The following CNOT6L variants were observed in gnomAD, a reference collection of about 807,000 sequenced individuals.
CNOT6L encodes CCR4-NOT transcription complex subunit 6-like.
Under a neutral mutation model 64.0 loss-of-function variants are expected in CNOT6L, and 7 were observed. The ratio of observed to expected loss-of-function variants is 0.11; its 90% CI spans 0.06 to 0.21. The LOEUF is 0.21. Among genes scored for constraint, CNOT6L ranks in the 10% least tolerant of loss-of-function variants. CNOT6L has a pLI of 1.00. For synonymous variants in CNOT6L, 193 were observed against 243.4 expected (o/e 0.79, Z 1.93); for missense variants, 245 against 669.0 (o/e 0.37, Z 6.99).
intron 1 of CNOT6L, among the ~76,000 whole-genome samples, chr4:77,796,951 G>T (rs1322386726): frequency 6.6e-6 from 1 of 151,672 alleles, no homozygotes; most frequent in Non-Finnish European, 1.5e-5. Flanking sequence ...TGGGCATGGT[G>T]GTGTCCCTGT....
intron 4 of CNOT6L, 122 bp downstream of exon 4, chr4:77,772,959 T>C: frequency 3.1e-6 from 2 of 646,574 alleles, no homozygotes; most frequent in Non-Finnish European, 5.4e-6. Flanking sequence ...AAACTACTTT[T>C]CTTTCAAGAG....
chr4:77,752,904 A>G (rs1725004882), intron 5 of CNOT6L, among the ~76,000 whole-genome samples: 1 of 151,910 alleles, frequency 6.6e-6, no homozygotes, highest in Admixed American at 6.5e-5. Flanking sequence ...ATGAAGCTAA[A>G]AGTTGGTTCT....
At chr4:77,776,132 G>A in intron 2 of CNOT6L, 139 bp downstream of exon 2, 1 of 794,286 alleles carries the variant, frequency 1.3e-6, no homozygotes, top group Non-Finnish European at 2.0e-6. Context: ...ACATAAAACA[G>A]AAAACACTAG....
chr4:77,794,007 C>T (rs112900288), intron 1 of CNOT6L, among the ~76,000 whole-genome samples: 1 of 151,566 alleles, frequency 6.6e-6, no homozygotes, highest in African/African-American at 2.4e-5. Flanking sequence ...AAAAAATTAG[C>T]CGGGCATGGT....
In CNOT6L at chr4:77,776,409, AG is replaced by A; in HGVS notation, c.6-18del. ...CCTATTAGTCTGTTTAAAAAAAAAA[AG>A]GAGGAGATCAATAATTATTATAGTC... On this transcript the variant is annotated intron_variant, in intron 1 of 11. Transcript: ENST00000504123. 1.6e-5 allele frequency: 24 copies of A among 1,530,622 alleles called. No individual in the cohort carries two copies. Among genetic ancestry groups the A allele is most frequent in the Non-Finnish European group, 1.9e-5 (21 of 1,129,856 alleles). The allele number at this position is 1,530,622 out of a possible 1,614,324, so 94.8% of individuals were successfully genotyped here.
At chr4:77,721,998 AAG>A (rs1454315297) in intron 11 of CNOT6L, among the ~76,000 whole-genome samples, 9 of 151,366 alleles carry the variant, frequency 5.9e-5, no homozygotes, top group African/African-American at 2.0e-4. Context: ...GAAAAAAAAA[AAG>A]AAGCCCTTAT....
At position 77,812,417 on chromosome 4, in the gene CNOT6L, G is replaced by A. The variant is rs141796711; in HGVS notation, c.5+6887C>T. ...AGTGCCATTGCACTCCAGCCTGGGC[G>A]ACAGAGTGAGACTCCATCTCAAAAA... On this transcript the variant is annotated intron_variant, in intron 1 of 11. Coordinates refer to ENST00000504123, the MANE Select transcript of CNOT6L (RefSeq NM_144571.3). Among the ~76,000 whole-genome samples, 788 of 148,604 alleles carry A rather than the reference G, an allele frequency of 5.3e-3. 8 individuals are homozygous for A. Among genetic ancestry groups the A allele is most frequent in the African/African-American group, 0.019 (740 of 39,958 alleles).
At chr4:77,794,528 T>C (rs1406069600) in intron 1 of CNOT6L, among the ~76,000 whole-genome samples, 5 of 152,124 alleles carry the variant, frequency 3.3e-5, no homozygotes, top group Admixed American at 3.3e-4. Flanking sequence ...AGAATACACA[T>C]GATCATCTCA....
At position 77,819,315 on chromosome 4, in the gene CNOT6L, C is replaced by T. The variant is rs748287539; in HGVS notation, c.-7G>A. 13 of 1,613,562 alleles carry T rather than the reference C, an allele frequency of 8.1e-6. No individual in the cohort carries two copies. The highest frequency in any genetic ancestry group is 5.5e-5 in the South Asian group (5 of 91,080). On this transcript the variant is annotated 5_prime_UTR_variant, in exon 1 of 12. Transcript: ENST00000504123. ...AAAGAACACTCTACCTCATTCTCTT[C>T]CTCTGGCCCAGAAGCAACAGCAGCC... is the stretch of plus-strand genomic sequence containing the variant.
chr4:77,725,255 A>G (rs888010086), intron 11 of CNOT6L, among the ~76,000 whole-genome samples: 1 of 152,192 alleles, frequency 6.6e-6, no homozygotes, highest in Non-Finnish European at 1.5e-5. Flanking sequence ...CCCACACAAA[A>G]ATAGAAAAAG....
intron 1 of CNOT6L, among the ~76,000 whole-genome samples, chr4:77,816,445 C>A (rs1733585884): frequency 6.6e-6 from 1 of 151,974 alleles, no homozygotes; most frequent in Non-Finnish European, 1.5e-5. Flanking sequence ...GCAGAAGATT[C>A]TGTTCAATGT....
intron 1 of CNOT6L, among the ~76,000 whole-genome samples, chr4:77,808,745 G>A (rs888107210): frequency 1.5e-4 from 23 of 152,146 alleles, no homozygotes; most frequent in African/African-American, 5.3e-4. Flanking sequence ...AAAGGCAAGA[G>A]CAACATCTAT....
At chr4:77,757,913 TGCTCTTGAACTTCTG>T (rs1354022805) in intron 4 of CNOT6L, among the ~76,000 whole-genome samples, 3 of 152,224 alleles carry the variant, frequency 2.0e-5, no homozygotes, top group African/African-American at 4.8e-5. Flanking sequence ...TTGGCCAGGC[TGCTCTTGAACTTCTG>T]GCCTCAAGTG....
chr4:77,803,221 GA>G (rs540541815), intron 1 of CNOT6L, among the ~76,000 whole-genome samples: 7 of 148,278 alleles, frequency 4.7e-5, no homozygotes, highest in Admixed American at 6.7e-5. Context: ...AAAAAAATGT[GA>G]AAAAAAAAAT....
At chr4:77,813,330 A>ATAGC (rs888003308) in intron 1 of CNOT6L, among the ~76,000 whole-genome samples, 2 of 151,588 alleles carry the variant, frequency 1.3e-5, no homozygotes, top group Non-Finnish European at 2.9e-5. Context: ...TTAGAAATAG[A>ATAGC]TATATTAGAT....
In CNOT6L at chr4:77,773,738, T is replaced by C. The variant is rs12510775; in HGVS notation, c.315-572A>G. Among the ~76,000 whole-genome samples the C allele has an allele frequency of 8.6e-3, 1,296 of 150,576 alleles. 66 individuals are homozygous for C. Among genetic ancestry groups the C allele is most frequent in the Admixed American group, 0.07 (1,063 of 15,154 alleles). ...GTATATTAAAGAAGACAAAAGAAAATGTGAAAAGATGAAAAAATATACTAT... is the reference window on the plus strand; with the variant it reads ...GTATATTAAAGAAGACAAAAGAAAACGTGAAAAGATGAAAAAATATACTAT... On this transcript the variant is annotated intron_variant, in intron 3 of 11. Transcript: ENST00000504123.
chr4:77,819,001 A>T (rs1428293099), intron 1 of CNOT6L: 3 of 666,288 alleles, frequency 4.5e-6, no homozygotes, highest in Non-Finnish European at 8.2e-6. Context: ...CGCAGCCACA[A>T]AGCGGGAGGG....
intron 10 of CNOT6L, among the ~76,000 whole-genome samples, chr4:77,727,581 AAAAAAAAAAAAAAAG>A (rs1452607639): frequency 2.7e-5 from 4 of 150,332 alleles, no homozygotes; most frequent in Admixed American, 6.6e-5. Flanking sequence ...AAAAAAAAAA[AAAAAAAAAAAAAAAG>A]GAAAAATGAG....
At chr4:77,781,471 T>G (rs1034993959) in intron 1 of CNOT6L, among the ~76,000 whole-genome samples, 5 of 152,200 alleles carry the variant, frequency 3.3e-5, no homozygotes, top group Non-Finnish European at 7.3e-5. Context: ...AAAATTTAAA[T>G]TTAGAGTTTC....
Sources: gnomAD v4.1 joint callset for allele counts (sites outside exome capture counted in the v4.1 genomes callset) on GRCh38, gnomAD v4.1.1 for gene constraint, MANE v1.5 for transcripts, NCBI Gene and HGNC (gene_info 2026-07-23, HGNC 2026-07-21) for gene names.